Variants in ANO10 observed in about 807,000 individuals in gnomAD.
The protein encoded by ANO10 is anoctamin-10.
A neutral mutation model predicts 74.7 loss-of-function variants in ANO10; 77 were observed. The observed-to-expected ratio is 1.03, with a 90% confidence interval of 0.86 to 1.25. ANO10 has a LOEUF of 1.25. Among genes scored for constraint, ANO10 ranks in the 50% most tolerant of loss-of-function variants. The probability of loss-of-function intolerance (pLI) is 0.00; values close to 1 mark genes in which losing one functional copy is unlikely to be tolerated. For missense variants in ANO10, 721 were observed against 778.1 expected, an observed-to-expected ratio of 0.93 and a Z score of 0.87; for synonymous variants, 279 against 284.9, an observed-to-expected ratio of 0.98 and a Z score of 0.21.
At chr3:43,540,852 C>G (rs2078923962) in intron 11 of ANO10, among the ~76,000 whole-genome samples, 2 of 152,240 alleles carry the variant, frequency 1.3e-5, no homozygotes, top group South Asian at 2.1e-4. Context: ...ATTCCTGAAG[C>G]CAGGGATGTA....
intron 1 of ANO10, among the ~76,000 whole-genome samples, chr3:43,666,319 CATGGAGT>C (rs2083991508): frequency 1.3e-5 from 2 of 152,136 alleles, no homozygotes; most frequent in African/African-American, 2.4e-5. Flanking sequence ...ATTACAGTTA[CATGGAGT>C]ATGAATTATC....
At chr3:43,679,612 C>G (rs939265958) in intron 1 of ANO10, among the ~76,000 whole-genome samples, 14 of 152,218 alleles carry the variant, frequency 9.2e-5, no homozygotes, top group Non-Finnish European at 1.5e-4. Context: ...CAGCACACAG[C>G]TGGAGATCTG....
intron 1 of ANO10, among the ~76,000 whole-genome samples, chr3:43,662,758 A>G (rs971934805): frequency 6.6e-6 from 1 of 152,220 alleles, no homozygotes; most frequent in South Asian, 2.1e-4. Flanking sequence ...AGAATACTAT[A>G]GACACCTCTG....
chr3:43,645,724 T>C (rs1265046293), intron 1 of ANO10, among the ~76,000 whole-genome samples: 1 of 152,216 alleles, frequency 6.6e-6, no homozygotes, highest in Non-Finnish European at 1.5e-5. Flanking sequence ...CCTAGAGCTA[T>C]TTCCTGGGCA....
chr3:43,481,220 T>C (rs527525957), intron 11 of ANO10, among the ~76,000 whole-genome samples: 1 of 152,312 alleles, frequency 6.6e-6, no homozygotes, highest in East Asian at 1.9e-4. Context: ...CCCATTCTTT[T>C]GTTATTACTC....
intron 12 of ANO10, among the ~76,000 whole-genome samples, chr3:43,369,463 C>T (rs1208588746): frequency 6.6e-6 from 1 of 152,264 alleles, no homozygotes; most frequent in Non-Finnish European, 1.5e-5. Flanking sequence ...CTTTCCTTCA[C>T]CTGTCCTGGA....
At chr3:43,687,879 C>T (rs1227298338) in intron 1 of ANO10, among the ~76,000 whole-genome samples, 2 of 152,084 alleles carry the variant, frequency 1.3e-5, no homozygotes, top group African/African-American at 4.8e-5. Context: ...GGTCCATTGT[C>T]TCCCAAGAAG....
At chr3:43,383,220 A>G (rs2092018859) in intron 12 of ANO10, among the ~76,000 whole-genome samples, 1 of 152,060 alleles carries the variant, frequency 6.6e-6, no homozygotes, top group African/African-American at 2.4e-5. Flanking sequence ...TTGGGAGGCC[A>G]AGGCGGGCAG....
chr3:43,628,415 C>T (rs866385184), intron 1 of ANO10, among the ~76,000 whole-genome samples: 20 of 152,170 alleles, frequency 1.3e-4, no homozygotes, highest in Middle Eastern at 3.4e-3. Context: ...TCCTGTCAGC[C>T]GAGGAGGATG....
Position 43,690,699 on chromosome 3 carries a change from T to C in ANO10, c.-12+818A>G. ...CATTATTCAAATTAGCTAAAACACCTAACTCATTCGGGTGAGTCTCGCCAG... is the reference window on the plus strand; with the variant it reads ...CATTATTCAAATTAGCTAAAACACCCAACTCATTCGGGTGAGTCTCGCCAG... On this transcript the variant is annotated intron_variant, in intron 1 of 3. Transcript: ENST00000413397. 3 of 388,998 alleles carry C rather than the reference T, an allele frequency of 7.7e-6. No homozygotes were observed. The South Asian group carries it at 2.8e-4, about 36-fold the overall frequency. 24.1% of individuals were successfully genotyped at this position (388,998 alleles called of 1,614,324 possible).
chr3:43,663,524 T>C (rs2083951517), intron 1 of ANO10, among the ~76,000 whole-genome samples: 1 of 152,166 alleles, frequency 6.6e-6, no homozygotes, highest in Non-Finnish European at 1.5e-5. Flanking sequence ...CAACATAGTA[T>C]TGGAAGTTCT....
intron 11 of ANO10, among the ~76,000 whole-genome samples, chr3:43,530,680 C>T (rs2078424450): frequency 6.6e-6 from 1 of 151,956 alleles, no homozygotes. Context: ...GTTCACATAA[C>T]TTTTATTAAA....
chr3:43,378,001 C>T (rs933524038), intron 12 of ANO10, among the ~76,000 whole-genome samples: 12 of 152,282 alleles, frequency 7.9e-5, no homozygotes, highest in African/African-American at 2.9e-4. Context: ...AGTCCCGACT[C>T]ATGGAGTATG....
At chr3:43,665,583 T>C (rs1371865072) in intron 1 of ANO10, among the ~76,000 whole-genome samples, 5 of 152,192 alleles carry the variant, frequency 3.3e-5, no homozygotes, top group South Asian at 2.1e-4. Context: ...GCACTTATTA[T>C]GGAGAACTCA....
chr3:43,371,149 T>C (rs1383807246), intron 12 of ANO10, among the ~76,000 whole-genome samples: 4 of 152,158 alleles, frequency 2.6e-5, no homozygotes, highest in East Asian at 1.9e-4. Context: ...ACTACTCCAT[T>C]ACCCCTTCTC....
chr3:43,380,970 G>A (rs939684197), intron 12 of ANO10, among the ~76,000 whole-genome samples: 6 of 152,128 alleles, frequency 3.9e-5, no homozygotes, highest in South Asian at 2.1e-4. Context: ...CAATCATGGC[G>A]GAAGGGGAAG....
intron 12 of ANO10, among the ~76,000 whole-genome samples, chr3:43,432,044 T>G (rs2092990446): frequency 6.6e-6 from 1 of 151,846 alleles, no homozygotes; most frequent in Non-Finnish European, 1.5e-5. Flanking sequence ...ATACTCCAGG[T>G]GTCTAGGGAT....
At chr3:43,482,747 C>A (rs911528166) in intron 11 of ANO10, among the ~76,000 whole-genome samples, 1 of 152,208 alleles carries the variant, frequency 6.6e-6, no homozygotes. Context: ...GGGAGAGCAG[C>A]CAGACCAAAA....
intron 1 of ANO10, among the ~76,000 whole-genome samples, chr3:43,658,329 G>T (rs896452920): frequency 6.6e-6 from 1 of 152,084 alleles, no homozygotes; most frequent in Non-Finnish European, 1.5e-5. Flanking sequence ...ATAAGCATTA[G>T]CATGGTTCAG....
Sources: allele counts gnomAD v4.1 joint callset (sites outside exome capture counted in the v4.1 genomes callset), GRCh38; gene constraint gnomAD v4.1.1; transcripts MANE v1.5; gene names NCBI Gene and HGNC (gene_info 2026-07-23, HGNC 2026-07-21).